DSCAML1: variants seen among roughly 807,000 people sequenced by gnomAD.
The protein encoded by DSCAML1 is DS cell adhesion molecule like 1.
Under a neutral mutation model 200.5 loss-of-function variants are expected in DSCAML1, and 38 were observed. The observed-to-expected ratio is 0.19, with a 90% CI of 0.15 to 0.25. The LOEUF (loss-of-function observed/expected upper bound fraction) is 0.25. Ranked by LOEUF, DSCAML1 falls within the 10% of genes least tolerant of loss-of-function variation. The probability of loss-of-function intolerance (pLI) is 1.00; values close to 1 mark genes in which losing one functional copy is unlikely to be tolerated. For missense variants in DSCAML1, 2,223 were observed against 2,858.8 expected (o/e 0.78, Z 5.07); for synonymous variants, 1,215 against 1,165.0 (o/e 1.04, Z -0.87).
intron 3 of DSCAML1, among the ~76,000 whole-genome samples, chr11:117,735,268 T>C (rs2054297010): frequency 6.6e-6 from 1 of 152,210 alleles, no homozygotes; most frequent in African/African-American, 2.4e-5. Flanking sequence ...AAAGAGTGTG[T>C]CTACGGCCAC....
At chr11:117,713,473 C>T (rs1387286270) in intron 3 of DSCAML1, among the ~76,000 whole-genome samples, 2 of 152,098 alleles carry the variant, frequency 1.3e-5, no homozygotes, top group Non-Finnish European at 2.9e-5. Flanking sequence ...ATGGAACCCA[C>T]GTTGGCCTTT....
intron 3 of DSCAML1, among the ~76,000 whole-genome samples, chr11:117,696,322 G>A (rs948037011): frequency 2.0e-5 from 3 of 152,224 alleles, no homozygotes; most frequent in Admixed American, 1.3e-4. Context: ...TGAGTGGGAT[G>A]TGAGCTGGTT....
At chr11:117,758,398 G>T (rs2054736003) in intron 3 of DSCAML1, among the ~76,000 whole-genome samples, 1 of 149,046 alleles carries the variant, frequency 6.7e-6, no homozygotes, top group African/African-American at 2.4e-5. Context: ...GAACTGTTTT[G>T]TTTTGTTTTG....
chr11:117,538,982 G>A (rs762480107), intron 3 of DSCAML1, among the ~76,000 whole-genome samples: 7 of 152,178 alleles, frequency 4.6e-5, no homozygotes, highest in Non-Finnish European at 7.3e-5. Context: ...CACACAGCCA[G>A]AGCAATGCTT....
chr11:117,639,392 A>ATGGGAGGCTGGATGGG (rs2052355750), intron 3 of DSCAML1, among the ~76,000 whole-genome samples: 1 of 103,468 alleles, frequency 9.7e-6, no homozygotes, highest in African/African-American at 3.8e-5. Context: ...GGCTGGATGG[A>ATGGGAGGCTGGATGGG]TGGGAGGCTG....
chr11:117,497,939 C>T (rs147031072), intron 11 of DSCAML1, among the ~76,000 whole-genome samples: 15 of 152,354 alleles, frequency 9.8e-5, no homozygotes, highest in African/African-American at 1.2e-4. Context: ...GTCCCCCACT[C>T]GCCCAATCAG....
chr11:117,493,192 T>C (rs2049221023), intron 11 of DSCAML1, among the ~76,000 whole-genome samples: 1 of 152,184 alleles, frequency 6.6e-6, no homozygotes, highest in South Asian at 2.1e-4. Flanking sequence ...CAGGCCTTAC[T>C]TTGTCCAGCT....
chr11:117,595,826 T>G (rs2051353935), intron 3 of DSCAML1, among the ~76,000 whole-genome samples: 1 of 151,786 alleles, frequency 6.6e-6, no homozygotes, highest in African/African-American at 2.4e-5. Flanking sequence ...GCAACCAACG[T>G]AAGACTGTCT....
chr11:117,763,765 C>G, intron 3 of DSCAML1, among the ~76,000 whole-genome samples: 1 of 152,102 alleles, frequency 6.6e-6, no homozygotes, highest in East Asian at 2.0e-4. Context: ...GGATCCTGAT[C>G]TAATTGTTCT....
rs1436791983 is a variant in DSCAML1, at chr11:117,503,927, T to C, written c.2277A>G (p.Glu759=). The C allele has an allele frequency of 3.1e-6, 5 of 1,614,006 alleles. No individual in the cohort carries two copies. The Admixed American group carries it at 8.3e-5, about 27-fold the overall frequency. ...NSSLLIRHVL[E]EDIGYYLCQA... ...GGCAGAGGTAGTAGCCGATGTCCTC[T>C]TCTAGGACGTGGCGGATCAGCAGCG... The change falls in exon 11 of 33, where the codon GAA becomes GAG. Residue 759 remains glutamate, a synonymous_variant. Coordinates refer to ENST00000651296, the MANE Select transcript of DSCAML1 (RefSeq NM_020693.4). The surrounding 1 kb of genome is among the most constrained non-coding windows in gnomAD (Gnocchi z 5.2).
chr11:117,527,876 C>T (rs4936384), intron 4 of DSCAML1, among the ~76,000 whole-genome samples: 32,757 of 152,064 alleles, frequency 0.22, 3,687 homozygotes, highest in East Asian at 0.35. Flanking sequence ...GCCTGTGGGC[C>T]ACAGAAGGAG....
chr11:117,525,996 G>A (rs1428284659), intron 4 of DSCAML1, among the ~76,000 whole-genome samples: 2 of 152,132 alleles, frequency 1.3e-5, no homozygotes, highest in South Asian at 2.1e-4. Flanking sequence ...CCTCTATTTC[G>A]CATTCCAAAA....
At chr11:117,746,446 T>C (rs1325154269) in intron 3 of DSCAML1, among the ~76,000 whole-genome samples, 1 of 152,028 alleles carries the variant, frequency 6.6e-6, no homozygotes, top group Non-Finnish European at 1.5e-5. Context: ...TGTGGCTTCC[T>C]CTCTGCCTCT....
intron 14 of DSCAML1, among the ~76,000 whole-genome samples, chr11:117,477,388 G>GTGTA (rs1259417746): frequency 1.5e-5 from 2 of 133,026 alleles, no homozygotes; most frequent in South Asian, 4.9e-4. Context: ...GTGTGTGTGT[G>GTGTA]TGTATGTGTG....
In DSCAML1 at chr11:117,428,377, G is replaced by C; in HGVS notation, c.6113C>G (p.Ser2038Cys). The C allele has an allele frequency of 6.3e-7, 1 of 1,593,180 alleles. No homozygotes were observed. Among genetic ancestry groups the C allele is most frequent in the Non-Finnish European group, 8.5e-7 (1 of 1,171,434 alleles). The change falls in exon 33 of 33, where the codon TCT becomes TGT. Residue 2038 changes from serine (S) to cysteine (C), a missense_variant. Physicochemically the swap from Ser to Cys is moderately radical, Grantham distance 112. This residue lies in a region of DSCAML1 where 280 missense variants were observed against 213.4 expected (regional missense o/e 1.31). Coordinates refer to ENST00000651296, the MANE Select transcript of DSCAML1 (RefSeq NM_020693.4). ...LEMSTSGVGR[S>C]QKQGAGAYSK... ...GTAGGCCCCGGCCCCCTGCTTCTGA[G>C]ACCTCCCTACCCCCGATGTGCTCAT... is the stretch of plus-strand genomic sequence containing the variant.
chr11:117,679,641 C>T (rs999094836), intron 3 of DSCAML1, among the ~76,000 whole-genome samples: 3 of 152,214 alleles, frequency 2.0e-5, no homozygotes, highest in Non-Finnish European at 4.4e-5. Context: ...CCCTACCTCA[C>T]CTTCACCTTC....
intron 14 of DSCAML1, among the ~76,000 whole-genome samples, chr11:117,475,701 A>G (rs2048776798): frequency 6.6e-6 from 1 of 152,190 alleles, no homozygotes; most frequent in Admixed American, 6.5e-5. Flanking sequence ...CTCTGTGGCC[A>G]CAGTGTACTC....
chr11:117,721,715 TATATC>T (rs924909288), intron 3 of DSCAML1, among the ~76,000 whole-genome samples: 4 of 147,604 alleles, frequency 2.7e-5, no homozygotes, highest in Admixed American at 6.8e-5. Context: ...TTATATAAAA[TATATC>T]ATATATCATA....
intron 1 of DSCAML1, among the ~76,000 whole-genome samples, chr11:117,811,468 T>G (rs186706793): frequency 1.3e-5 from 2 of 152,214 alleles, no homozygotes; most frequent in African/African-American, 4.8e-5. Flanking sequence ...AAACCCCAGC[T>G]ACATCTCCAG....
Sources: gnomAD v4.1 joint callset for allele counts (sites outside exome capture counted in the v4.1 genomes callset) on GRCh38, gnomAD v4.1.1 for gene constraint, gnomAD v4.1.1 regional missense constraint, Gnocchi (gnomAD v3.1) non-coding constraint, MANE v1.5 for transcripts, NCBI Gene and HGNC (gene_info 2026-07-23, HGNC 2026-07-21) for gene names.